WWOX: variants seen among roughly 807,000 people sequenced by gnomAD.
WWOX encodes WW domain-containing oxidoreductase.
WWOX carries 69 observed loss-of-function variants against 46.2 expected under a neutral mutation model. The ratio of observed to expected loss-of-function variants is 1.49; its 90% CI spans 1.23 to 1.82. WWOX has a LOEUF of 1.82. Among genes scored for constraint, WWOX ranks in the 40% most tolerant of loss-of-function variants. The probability of loss-of-function intolerance (pLI) is 0.00; values close to 1 mark genes in which losing one functional copy is unlikely to be tolerated. For synonymous variants in WWOX, 359 were observed against 202.6 expected (o/e 1.77, Z -6.56); for missense variants, 919 against 542.6 (o/e 1.69, Z -6.89).
At chr16:78,306,203 A>G (rs1272063074) in intron 5 of WWOX, among the ~76,000 whole-genome samples, 1 of 152,216 alleles carries the variant, frequency 6.6e-6, no homozygotes, top group Admixed American at 6.5e-5. Context: ...AACAAATGAC[A>G]AAAAGAAAAA....
intron 8 of WWOX, among the ~76,000 whole-genome samples, chr16:79,112,797 AG>A (rs1597386677): frequency 6.6e-6 from 1 of 152,218 alleles, no homozygotes; most frequent in East Asian, 1.9e-4. Context: ...CTCGTTTTAC[AG>A]ATGAGGAAAC....
intron 8 of WWOX, among the ~76,000 whole-genome samples, chr16:78,568,828 C>A (rs2044642327): frequency 6.6e-6 from 1 of 152,206 alleles, no homozygotes; most frequent in African/African-American, 2.4e-5. Flanking sequence ...AATATTAATA[C>A]TAGTGTGTGC....
intron 8 of WWOX, among the ~76,000 whole-genome samples, chr16:78,736,219 C>T (rs2049088330): frequency 6.6e-6 from 1 of 152,202 alleles, no homozygotes; most frequent in African/African-American, 2.4e-5. Flanking sequence ...AAAAATCACA[C>T]CTCAAACTTG....
In WWOX at chr16:79,164,878, A is replaced by G. The variant is rs190771799; in HGVS notation, c.1057-46730A>G. Among the ~76,000 whole-genome samples, 22 of 152,236 alleles carry G rather than the reference A, an allele frequency of 1.4e-4. No individual in the cohort carries two copies. The East Asian group carries it at 4.3e-3, about 29-fold the overall frequency. ...CATAAAACCTACAAATACACACACAAACACAAACCAGGCAAACCCACACAC... is the reference window on the plus strand; with the variant it reads ...CATAAAACCTACAAATACACACACAGACACAAACCAGGCAAACCCACACAC... On this transcript the variant is annotated intron_variant, in intron 8 of 8. Coordinates refer to ENST00000566780, the MANE Select transcript of WWOX (RefSeq NM_016373.4).
At chr16:79,010,186 G>C (rs1444465658) in intron 8 of WWOX, among the ~76,000 whole-genome samples, 1 of 152,114 alleles carries the variant, frequency 6.6e-6, no homozygotes, top group East Asian at 1.9e-4. Context: ...TACAAGGCTG[G>C]CTTCCCCAGG....
chr16:78,527,358 A>G (rs1034003514), intron 8 of WWOX, among the ~76,000 whole-genome samples: 1 of 144,856 alleles, frequency 6.9e-6, no homozygotes, highest in African/African-American at 2.6e-5. Context: ...CAGTGGTATG[A>G]TCTCAGCTCA....
At chr16:78,779,194 G>T (rs1003974451) in intron 8 of WWOX, among the ~76,000 whole-genome samples, 2 of 152,160 alleles carry the variant, frequency 1.3e-5, no homozygotes, top group East Asian at 3.9e-4. Flanking sequence ...TCCCAGGCTG[G>T]AGTGCAGTGG....
At chr16:78,517,855 A>ATTTTTTTT (rs11342538) in intron 8 of WWOX, among the ~76,000 whole-genome samples, 2 of 86,390 alleles carry the variant, frequency 2.3e-5, no homozygotes, top group African/African-American at 4.0e-5. Flanking sequence ...TACACAACCT[A>ATTTTTTTT]TTTTTTTTTT....
At chr16:79,037,240 T>G (rs1167339064) in intron 8 of WWOX, among the ~76,000 whole-genome samples, 2 of 152,202 alleles carry the variant, frequency 1.3e-5, no homozygotes, top group Non-Finnish European at 2.9e-5. Context: ...GTTCTCTCTC[T>G]CTCGCTCCTG....
intron 8 of WWOX, among the ~76,000 whole-genome samples, chr16:78,807,546 G>A (rs2051074857): frequency 6.6e-6 from 1 of 152,206 alleles, no homozygotes; most frequent in African/African-American, 2.4e-5. Flanking sequence ...TAACGACAGT[G>A]GCTAAAACCT....
At chr16:78,919,604 G>A (rs1381751816) in intron 8 of WWOX, among the ~76,000 whole-genome samples, 5 of 139,728 alleles carry the variant, frequency 3.6e-5, no homozygotes, top group Admixed American at 7.9e-5. Context: ...TACAACCTCC[G>A]CCTCCCGGGA....
At chr16:78,817,954 G>A (rs2051384467) in intron 8 of WWOX, among the ~76,000 whole-genome samples, 1 of 152,218 alleles carries the variant, frequency 6.6e-6, no homozygotes, top group Non-Finnish European at 1.5e-5. Context: ...AAGAACACGT[G>A]CCTTGGAATT....
chr16:78,961,810 G>T (rs941661108), intron 8 of WWOX, among the ~76,000 whole-genome samples: 37 of 152,152 alleles, frequency 2.4e-4, no homozygotes, highest in African/African-American at 8.2e-4. Context: ...TTGCTGTCCT[G>T]AATCTTAATG....
At chr16:78,847,500 GT>G (rs1197479925) in intron 8 of WWOX, among the ~76,000 whole-genome samples, 1 of 151,882 alleles carries the variant, frequency 6.6e-6, no homozygotes, top group Middle Eastern at 3.4e-3. Context: ...TTGTTTCTTT[GT>G]TTTTTTCTTT....
At chr16:78,215,957 C>T (rs1357697054) in intron 5 of WWOX, among the ~76,000 whole-genome samples, 2 of 151,848 alleles carry the variant, frequency 1.3e-5, no homozygotes, top group African/African-American at 4.8e-5. Flanking sequence ...ATACAATGAT[C>T]TGTGAGATAT....
At chr16:78,627,024 C>A (rs565115234) in intron 8 of WWOX, among the ~76,000 whole-genome samples, 15 of 151,898 alleles carry the variant, frequency 9.9e-5, no homozygotes, top group Non-Finnish European at 1.8e-4. Flanking sequence ...GCTTTTTGTG[C>A]CTCCTCTTCC....
intron 8 of WWOX, among the ~76,000 whole-genome samples, chr16:78,620,385 G>T (rs189413383): frequency 6.6e-6 from 1 of 152,206 alleles, no homozygotes; most frequent in Non-Finnish European, 1.5e-5. Context: ...TCCTCCAACA[G>T]ACTCGTGTAG....
At chr16:78,871,001 C>G (rs1047966511) in intron 8 of WWOX, among the ~76,000 whole-genome samples, 2 of 152,302 alleles carry the variant, frequency 1.3e-5, no homozygotes, top group African/African-American at 4.8e-5. Context: ...GTCTCATAGA[C>G]TCTGCTTATG....
intron 8 of WWOX, among the ~76,000 whole-genome samples, chr16:78,650,837 C>G (rs184293779): frequency 6.6e-6 from 1 of 152,124 alleles, no homozygotes; most frequent in Non-Finnish European, 1.5e-5. Context: ...CAGCCAGCCA[C>G]GCTGATGTAG....
Sources: allele counts gnomAD v4.1 joint callset (sites outside exome capture counted in the v4.1 genomes callset), GRCh38; gene constraint gnomAD v4.1.1; transcripts MANE v1.5; gene names NCBI Gene and HGNC (gene_info 2026-07-23, HGNC 2026-07-21).